SLC38A4: variants seen among roughly 807,000 people sequenced by gnomAD.
SLC38A4 encodes solute carrier family 38 member 4.
SLC38A4 carries 20 observed loss-of-function variants against 63.1 expected under a neutral mutation model. That is an observed-to-expected ratio of 0.32 (90% CI 0.22 to 0.46). The LOEUF is 0.46. Ranked by LOEUF, SLC38A4 falls within the 20% of genes least tolerant of loss-of-function variation. The pLI, the probability that SLC38A4 is intolerant of heterozygous loss-of-function variation, is 1.00. For synonymous variants in SLC38A4, 230 were observed against 225.5 expected (o/e 1.02, Z -0.18); for missense variants, 526 against 663.6 (o/e 0.79, Z 2.28).
chr12:46,798,983 A>C (rs1189201292), intron 2 of SLC38A4, among the ~76,000 whole-genome samples: 1 of 152,116 alleles, frequency 6.6e-6, no homozygotes, highest in Non-Finnish European at 1.5e-5. Context: ...CTAACTTCTG[A>C]CTTTTCCATT....
chr12:46,768,006 C>T (rs564641151), intron 16 of SLC38A4, among the ~76,000 whole-genome samples: 3 of 152,212 alleles, frequency 2.0e-5, no homozygotes, highest in South Asian at 4.1e-4. Context: ...TGATTTTCCA[C>T]GGATAGCACA....
intron 14 of SLC38A4, among the ~76,000 whole-genome samples, chr12:46,769,657 G>A (rs189909004): frequency 6.6e-5 from 10 of 151,760 alleles, no homozygotes; most frequent in Admixed American, 2.0e-4. Context: ...TAGTCATTTC[G>A]GTCAACAACA....
intron 1 of SLC38A4, among the ~76,000 whole-genome samples, chr12:46,815,118 T>A (rs920727227): frequency 6.6e-6 from 1 of 151,570 alleles, no homozygotes; most frequent in African/African-American, 2.4e-5. Context: ...TCACAGTTAT[T>A]CTATGTTATG....
intron 2 of SLC38A4, among the ~76,000 whole-genome samples, chr12:46,798,293 A>C (rs1939058298): frequency 6.6e-6 from 1 of 151,998 alleles, no homozygotes; most frequent in Non-Finnish European, 1.5e-5. Flanking sequence ...TGGTCCACCC[A>C]CCTCTCTGGT....
Position 46,766,811 on chromosome 12 carries a change from C to T in SLC38A4, c.1543-9G>A, listed in dbSNP as rs1938310173. ...ACAAGGAAAATTAAAGCCTGTAATT[C>T]AGAGAGACTCTGTTAGGAGCACAGA... On this transcript the variant is annotated splice_polypyrimidine_tract_variant and intron_variant, in intron 16 of 16. Coordinates refer to ENST00000266579, the MANE Select transcript of SLC38A4 (RefSeq NM_018018.5). 1 of 1,581,828 alleles carries T rather than the reference C, an allele frequency of 6.3e-7. No individual in the cohort carries two copies. Among genetic ancestry groups the T allele is most frequent in the Non-Finnish European group, 8.7e-7 (1 of 1,153,190 alleles).
chr12:46,802,873 T>C (rs1939160372), intron 2 of SLC38A4, among the ~76,000 whole-genome samples: 1 of 152,032 alleles, frequency 6.6e-6, no homozygotes, highest in Admixed American at 6.6e-5. Context: ...TTAAATCCAC[T>C]GGGAATTCTC....
In SLC38A4 at chr12:46,825,899, AAACCT is replaced by A. The variant is rs1278299170; in HGVS notation, c.-306_-305+3del. On this transcript the variant is annotated splice_donor_variant and splice_donor_region_variant and 5_prime_UTR_variant and intron_variant, in exon 1 of 17. Transcript: ENST00000266579. LOFTEE classifies it low-confidence loss of function (5UTR_SPLICE). ...AAGTTGCCACGCAAAAGCAGCAAGC[AAACCT>A]GTGTGAGTGGGGTGTCCCGAGGCGG... The A allele has an allele frequency of 6.6e-6, 1 of 152,500 alleles. No homozygotes were observed. Among genetic ancestry groups the A allele is most frequent in the Non-Finnish European group, 1.5e-5 (1 of 68,236 alleles). 9.4% of individuals were successfully genotyped at this position (152,500 alleles called of 1,614,324 possible).
At chr12:46,775,372 C>T (rs760860757) in intron 13 of SLC38A4, among the ~76,000 whole-genome samples, 199 bp from the exon 14 acceptor site, 6 of 152,032 alleles carry the variant, frequency 3.9e-5, no homozygotes, top group African/African-American at 9.7e-5. Flanking sequence ...AAGCTGATAA[C>T]GTTGCAGAAG....
In SLC38A4 at chr12:46,779,483, G is replaced by A. The variant is rs1365607470; in HGVS notation, c.717+128C>T. ...TTTTTTGCTCTAAATTAGTCTACAA[G>A]AAAATCACTTGTGATACAAGAACTA... On this transcript the variant is annotated intron_variant, in intron 10 of 16. Transcript: ENST00000266579. 31 of 767,098 alleles carry A rather than the reference G, an allele frequency of 4.0e-5. No homozygotes were observed. The East Asian group carries it at 7.9e-4, about 20-fold the overall frequency. 47.5% of individuals were successfully genotyped at this position (767,098 alleles called of 1,614,324 possible). A position where few individuals can be genotyped will look rare whatever the true frequency, so the allele number is the denominator to read the frequency against.
intron 1 of SLC38A4, among the ~76,000 whole-genome samples, chr12:46,811,969 A>C (rs377659066): frequency 1.3e-5 from 2 of 152,212 alleles, no homozygotes; most frequent in East Asian, 3.9e-4. Flanking sequence ...TTGATTTTTT[A>C]AGTTAGACTC....
intron 14 of SLC38A4, among the ~76,000 whole-genome samples, chr12:46,771,081 A>G (rs1316055067): frequency 1.3e-5 from 2 of 152,114 alleles, no homozygotes; most frequent in Non-Finnish European, 2.9e-5. Flanking sequence ...TTTAAGAATA[A>G]CTTTGTAAAG....
At chr12:46,784,110 G>A (rs1938707439) in intron 7 of SLC38A4, among the ~76,000 whole-genome samples, 1 of 151,960 alleles carries the variant, frequency 6.6e-6, no homozygotes, top group Non-Finnish European at 1.5e-5. Flanking sequence ...CTCAGTGCAG[G>A]CTGCGTTTCA....
intron 1 of SLC38A4, among the ~76,000 whole-genome samples, chr12:46,805,104 A>T (rs745516851): frequency 2.0e-5 from 3 of 152,020 alleles, no homozygotes; most frequent in Non-Finnish European, 2.9e-5. Context: ...AAATTATAAT[A>T]TCATTTAAAA....
At chr12:46,821,297 T>C (rs1939542530) in intron 1 of SLC38A4, among the ~76,000 whole-genome samples, 1 of 152,158 alleles carries the variant, frequency 6.6e-6, no homozygotes, top group African/African-American at 2.4e-5. Context: ...TTTCAAGTCT[T>C]ACATTCAAGT....
rs138104058 is a variant in SLC38A4, at chr12:46,778,434, A to C, written c.994-66T>G. On this transcript the variant is annotated intron_variant, in intron 11 of 16. Coordinates refer to ENST00000266579, the MANE Select transcript of SLC38A4 (RefSeq NM_018018.5). ...ATAGATGGTGATCTCAGGCCATCTC[A>C]GTTTATTGAATAAAAACTTAGAAAA... The C allele has an allele frequency of 1.0e-3, 1,638 of 1,609,948 alleles. 5 individuals carry two copies. The East Asian group carries it at 0.011, about 11-fold the overall frequency.
At chr12:46,796,685 C>T (rs1939013834) in intron 2 of SLC38A4, among the ~76,000 whole-genome samples, 1 of 152,142 alleles carries the variant, frequency 6.6e-6, no homozygotes, top group Non-Finnish European at 1.5e-5. Flanking sequence ...TTTGGTAGAG[C>T]TTCCATTCCT....
intron 1 of SLC38A4, among the ~76,000 whole-genome samples, chr12:46,817,524 A>G (rs1939464836): frequency 6.6e-6 from 1 of 151,832 alleles, no homozygotes; most frequent in African/African-American, 2.4e-5. Context: ...CACGAAAACG[A>G]TATCACAAGG....
In SLC38A4 at chr12:46,765,837, GAT is replaced by G. The variant is rs1938286794; in HGVS notation, c.*862_*863del. 1.3e-5 allele frequency: 2 copies of G among 157,248 alleles called. No homozygotes were observed. Among genetic ancestry groups the G allele is most frequent in the Admixed American group, 1.2e-4 (2 of 16,096 alleles). 9.7% of individuals were successfully genotyped at this position (157,248 alleles called of 1,614,324 possible). On this transcript the variant is annotated 3_prime_UTR_variant, in exon 17 of 17. Coordinates refer to ENST00000266579, the MANE Select transcript of SLC38A4 (RefSeq NM_018018.5). Reference sequence around the variant, plus strand: ...ACAATACTGGGTAGTGTATCTCCACGATTGTGGTCTTCTAAAAATTCTGAATG... The same window carrying G: ...ACAATACTGGGTAGTGTATCTCCACGTGTGGTCTTCTAAAAATTCTGAATG...
intron 1 of SLC38A4, among the ~76,000 whole-genome samples, chr12:46,823,666 A>C (rs1010180862): frequency 6.6e-6 from 1 of 152,234 alleles, no homozygotes; most frequent in Non-Finnish European, 1.5e-5. Context: ...TATGTCTCTG[A>C]AATTCCAGAA....
Sources: allele counts gnomAD v4.1 joint callset (sites outside exome capture counted in the v4.1 genomes callset), GRCh38; gene constraint gnomAD v4.1.1; transcripts MANE v1.5; gene names NCBI Gene and HGNC (gene_info 2026-07-23, HGNC 2026-07-21).